Variants in CNOT8 observed in about 807,000 individuals in gnomAD.
CNOT8 encodes CCR4-NOT transcription complex subunit 8.
Under a neutral mutation model 34.6 loss-of-function variants are expected in CNOT8, and 18 were observed. The observed-to-expected ratio is 0.52, with a 90% CI of 0.36 to 0.77. CNOT8 has a LOEUF of 0.77. CNOT8 is among the 30% of genes least tolerant of loss of function. The probability of loss-of-function intolerance (pLI) is 0.00; values close to 1 mark genes in which losing one functional copy is unlikely to be tolerated. For missense variants in CNOT8, 189 were observed against 347.9 expected (o/e 0.54, Z 3.63); for synonymous variants, 101 against 118.8 (o/e 0.85, Z 0.98).
chr5:154,863,321 G>A lies in CNOT8; in HGVS notation c.43G>A (p.Val15Met). The A allele has an allele frequency of 6.2e-7, 1 of 1,614,166 alleles. No individual in the cohort carries two copies. The highest frequency in any genetic ancestry group is 8.5e-7 in the Non-Finnish European group (1 of 1,180,010). The change falls in exon 2 of 7, where the codon GTG (valine) becomes ATG (methionine). Residue 15 changes from valine (V) to methionine (M), a missense_variant. Val to Met is a conservative substitution (Grantham distance 21, BLOSUM62 1). Coordinates refer to ENST00000285896, the MANE Select transcript of CNOT8 (RefSeq NM_001301073.2). ...LVENSQVICE[V>M]WASNLEEEMR... The stretch of plus-strand genomic sequence containing the variant: ...GGAGAATAGCCAGGTTATCTGTGAA[G>A]TGTGGGCCAGTAATCTAGAAGAAGA...
chr5:154,859,936 C>G (rs1761162320), intron 1 of CNOT8: 2 of 152,168 alleles, frequency 1.3e-5, no homozygotes, highest in African/African-American at 4.8e-5. Flanking sequence ...ATGTGGGAGT[C>G]AAGTTTTTAA....
intron 1 of CNOT8, among the ~76,000 whole-genome samples, chr5:154,861,235 C>T (rs1169022399): frequency 1.3e-5 from 2 of 152,130 alleles, no homozygotes; most frequent in Non-Finnish European, 2.9e-5. Flanking sequence ...CTCTCTTTTC[C>T]TGATCTTTAT....
intron 3 of CNOT8, among the ~76,000 whole-genome samples, chr5:154,868,810 G>A (rs1762175140): frequency 6.6e-6 from 1 of 152,194 alleles, no homozygotes; most frequent in African/African-American, 2.4e-5. Flanking sequence ...CTTGAGTGCT[G>A]CAGCTACTGG....
chr5:154,875,976 T>C lies in CNOT8; in HGVS notation c.*537T>C, dbSNP rs1012049784. 2.0e-5 allele frequency: 3 copies of C among 153,474 alleles called. No individual in the cohort carries two copies. Among genetic ancestry groups the C allele is most frequent in the Non-Finnish European group, 2.9e-5 (2 of 68,950 alleles). 9.5% of individuals were successfully genotyped at this position (153,474 alleles called of 1,614,324 possible). On this transcript the variant is annotated 3_prime_UTR_variant, in exon 7 of 7. Transcript: ENST00000285896. The stretch of plus-strand genomic sequence containing the variant: ...GAGGACATTTGCTTTCCTCACACTT[T>C]TGTAGTCTCTCTTTACATATTACTA...
At chr5:154,862,918 T>C (rs1440628738) in intron 1 of CNOT8, among the ~76,000 whole-genome samples, 1 of 152,194 alleles carries the variant, frequency 6.6e-6, no homozygotes, top group African/African-American at 2.4e-5. Context: ...TGGTCTAGTC[T>C]ACAGAGAGCT....
chr5:154,873,148 C>T (rs1189461268), intron 6 of CNOT8, among the ~76,000 whole-genome samples: 14 of 152,022 alleles, frequency 9.2e-5, no homozygotes, highest in Admixed American at 5.9e-4. Flanking sequence ...TCAGGTGATC[C>T]GCCTGGCTTG....
At chr5:154,871,675 C>T (rs1185853051) in intron 4 of CNOT8, 55 bp from the exon 5 acceptor site, 1 of 1,532,780 alleles carries the variant, frequency 6.5e-7, no homozygotes, top group Non-Finnish European at 8.9e-7. Context: ...AATGGTTGAA[C>T]ACTGGGGCCT....
At chr5:154,868,138 C>T (rs566523665) in intron 3 of CNOT8, among the ~76,000 whole-genome samples, 2 of 152,060 alleles carry the variant, frequency 1.3e-5, no homozygotes, top group South Asian at 4.2e-4. Context: ...GGGGTTTCAC[C>T]ATGTTGGCCA....
At chr5:154,859,761 G>A (rs1206571999) in intron 1 of CNOT8, 1 of 152,200 alleles carries the variant, frequency 6.6e-6, no homozygotes, top group Non-Finnish European at 1.5e-5. Context: ...GAGCTTTCCT[G>A]TGTAAATAAG....
In CNOT8 at chr5:154,872,015, A is replaced by C. The variant is rs563533764; in HGVS notation, c.618+141A>C. 295 of 688,696 alleles carry C rather than the reference A, an allele frequency of 4.3e-4. 2 individuals are homozygous for C. In the South Asian group the frequency reaches 4.5e-3, roughly 11 times the overall value. The allele number at this position is 688,696 out of a possible 1,614,324, so 42.7% of individuals were successfully genotyped here. A position where few individuals can be genotyped will look rare whatever the true frequency, so the allele number is the denominator to read the frequency against. ...GTAGACAGGGTATAATATAAAGCTG[A>C]TTTGGTCAGATATTTGTGTGGTAAC... On this transcript the variant is annotated intron_variant, in intron 5 of 6. Coordinates refer to ENST00000285896, the MANE Select transcript of CNOT8 (RefSeq NM_001301073.2).
At position 154,870,658 on chromosome 5, in the gene CNOT8, TAG is replaced by T. The variant is rs1561689625; in HGVS notation, c.314_315del. On this transcript the variant is annotated splice_acceptor_variant, in intron 3 of 6. Coordinates refer to ENST00000285896, the MANE Select transcript of CNOT8 (RefSeq NM_001301073.2). LOFTEE classifies it high-confidence loss of function. ...GTTAATAAATAAACACCTTGTTTTT[TAG>T]AGAGGACATGTACTCCCAGGATTCC... The T allele has an allele frequency of 1.2e-6, 2 of 1,608,900 alleles. No homozygotes were observed. The highest frequency in any genetic ancestry group is 1.7e-6 in the Non-Finnish European group (2 of 1,178,064).
intron 1 of CNOT8, among the ~76,000 whole-genome samples, chr5:154,860,362 G>T (rs1242768758): frequency 6.6e-6 from 1 of 152,110 alleles, no homozygotes; most frequent in Non-Finnish European, 1.5e-5. Context: ...GAATGCAGTG[G>T]CGTAATCACA....
Position 154,876,767 on chromosome 5 carries a change from T to TAAAG in CNOT8, c.*1330_*1333dup, listed in dbSNP as rs1261139597. On this transcript the variant is annotated 3_prime_UTR_variant, in exon 7 of 7. Coordinates refer to ENST00000285896, the MANE Select transcript of CNOT8 (RefSeq NM_001301073.2). ...TATTTATGTTTTTAATTTTGTAAAATAAAGATTTCTTTTTAACCACTGGCA... is the reference window on the plus strand; with the variant it reads ...TATTTATGTTTTTAATTTTGTAAAATAAAGAAAGATTTCTTTTTAACCACTGGCA... 6.5e-6 allele frequency: 1 copy of TAAAG among 152,672 alleles called. No individual in the cohort carries two copies. Among genetic ancestry groups the TAAAG allele is most frequent in the Non-Finnish European group, 1.5e-5 (1 of 68,038 alleles). The allele number at this position is 152,672 out of a possible 1,614,324, so 9.5% of individuals were successfully genotyped here.
intron 3 of CNOT8, among the ~76,000 whole-genome samples, chr5:154,866,536 A>C (rs1761894342): frequency 1.3e-5 from 2 of 152,230 alleles, no homozygotes; most frequent in African/African-American, 4.8e-5. Context: ...AGTTTGTACC[A>C]TAAAAATAAT....
Position 154,875,372 on chromosome 5 carries a change from A to G in CNOT8, c.812A>G (p.Asn271Ser). The G allele has an allele frequency of 1.2e-6, 2 of 1,614,090 alleles. No homozygotes were observed. Among genetic ancestry groups the G allele is most frequent in the Non-Finnish European group, 8.5e-7 (1 of 1,180,026 alleles). ...GLGTGVAQKQ[N>S]EDVDSAQEKM... ...GGCACAGGAGTGGCCCAGAAGCAGA[A>G]TGAGGATGTGGACTCTGCCCAGGAG... The change falls in exon 7 of 7, where the codon AAT (asparagine) becomes AGT (serine). Residue 271 changes from asparagine (N) to serine (S), a missense_variant. By Grantham distance (46) the Asn-to-Ser change is conservative. Around this residue, in one of 2 missense-constraint regions of CNOT8, gnomAD observed 160 missense variants for 321.9 expected, o/e 0.50. Coordinates refer to ENST00000285896, the MANE Select transcript of CNOT8 (RefSeq NM_001301073.2).
rs950422082 is a variant in CNOT8 at position 154,866,232 on chromosome 5, G to T, written c.311+847G>T. On this transcript the variant is annotated intron_variant, in intron 3 of 6. Coordinates refer to ENST00000285896, the MANE Select transcript of CNOT8 (RefSeq NM_001301073.2). ...GCTAGAGTGCAGTGGTGCTAACATG[G>T]CTTACTGCAGCCTCAATCTCCCAGG... is the stretch of plus-strand genomic sequence containing the variant. Among the ~76,000 whole-genome samples the T allele has an allele frequency of 2.6e-5, 4 of 152,216 alleles. No homozygotes were observed. In the East Asian group the frequency reaches 7.7e-4, roughly 29 times the overall value.
At chr5:154,871,008 T>C (rs1762438439) in intron 4 of CNOT8, among the ~76,000 whole-genome samples, 186 bp downstream of exon 4, 1 of 152,202 alleles carries the variant, frequency 6.6e-6, no homozygotes, top group Admixed American at 6.5e-5. Flanking sequence ...TACTGGTTTG[T>C]TTCACACAGT....
chr5:154,859,566 T>C (rs963783570), intron 1 of CNOT8: 1 of 152,238 alleles, frequency 6.6e-6, no homozygotes, highest in African/African-American at 2.4e-5. Context: ...CACTTCCTTT[T>C]CTATCATATC....
chr5:154,868,997 C>T (rs1429624388), intron 3 of CNOT8, among the ~76,000 whole-genome samples: 1 of 152,252 alleles, frequency 6.6e-6, no homozygotes, highest in Non-Finnish European at 1.5e-5. Flanking sequence ...GCTGGATCCC[C>T]TGAGACTCAC....
Sources: allele counts gnomAD v4.1 joint callset (sites outside exome capture counted in the v4.1 genomes callset), GRCh38; gene constraint gnomAD v4.1.1; regional missense constraint gnomAD v4.1.1; transcripts MANE v1.5; gene names NCBI Gene and HGNC (gene_info 2026-07-23, HGNC 2026-07-21).